The following PTH2R variants were observed in gnomAD, a reference collection of about 807,000 sequenced individuals.
PTH2R encodes PTH2 receptor.
In PTH2R, 59 loss-of-function variants were observed where a neutral mutation model predicts 60.3. That is an observed-to-expected ratio of 0.98 (90% CI 0.79 to 1.22). The LOEUF (loss-of-function observed/expected upper bound fraction) is 1.22. PTH2R is among the 50% of genes most tolerant of loss of function. The probability of loss-of-function intolerance (pLI) is 0.00; values close to 1 mark genes in which losing one functional copy is unlikely to be tolerated. For synonymous variants in PTH2R, 256 were observed against 243.8 expected (o/e 1.05, Z -0.47); for missense variants, 749 against 682.6 (o/e 1.10, Z -1.08).
chr2:208,425,907 C>T (rs753906720), intron 1 of PTH2R, among the ~76,000 whole-genome samples: 16 of 152,188 alleles, frequency 1.1e-4, no homozygotes, highest in Non-Finnish European at 2.1e-4. Context: ...GGATCTGTAG[C>T]CTGCTCTGCT....
chr2:208,419,887 A>C (rs1438806000), intron 1 of PTH2R, among the ~76,000 whole-genome samples: 1 of 152,190 alleles, frequency 6.6e-6, no homozygotes, highest in African/African-American at 2.4e-5. Flanking sequence ...AACCAACCCA[A>C]ATGTCCAACA....
chr2:208,474,227 C>T (rs1702947884), intron 9 of PTH2R, among the ~76,000 whole-genome samples: 1 of 151,268 alleles, frequency 6.6e-6, no homozygotes, highest in Admixed American at 6.6e-5. Flanking sequence ...TATTAAAGGG[C>T]TTAATATAAC....
intron 4 of PTH2R, among the ~76,000 whole-genome samples, chr2:208,441,415 A>G (rs1428749266): frequency 6.6e-6 from 1 of 152,144 alleles, no homozygotes; most frequent in Non-Finnish European, 1.5e-5. Flanking sequence ...AGCTCTTTAT[A>G]TCCCATTTTC....
At chr2:208,468,340 G>A (rs1426349268) in intron 9 of PTH2R, among the ~76,000 whole-genome samples, 1 of 152,194 alleles carries the variant, frequency 6.6e-6, no homozygotes, top group Non-Finnish European at 1.5e-5. Context: ...GTACATCAAT[G>A]TATCTAATCC....
chr2:208,419,154 C>T (rs1313178510), intron 1 of PTH2R, among the ~76,000 whole-genome samples: 1 of 152,178 alleles, frequency 6.6e-6, no homozygotes, highest in Non-Finnish European at 1.5e-5. Context: ...AAAGGTGTTC[C>T]TATTTCTCCA....
chr2:208,477,333 C>T (rs1249109969), intron 9 of PTH2R, among the ~76,000 whole-genome samples: 3 of 152,096 alleles, frequency 2.0e-5, no homozygotes, highest in South Asian at 2.1e-4. Flanking sequence ...AGAGAGTAAA[C>T]GATCCAGGCA....
intron 11 of PTH2R, among the ~76,000 whole-genome samples, 186 bp downstream of exon 11, chr2:208,489,336 C>T (rs777395274): frequency 3.9e-5 from 6 of 152,112 alleles, no homozygotes; most frequent in Non-Finnish European, 8.8e-5. Context: ...TCAGGTTAAT[C>T]CTCTGCTCAC....
intron 9 of PTH2R, among the ~76,000 whole-genome samples, chr2:208,463,413 A>G (rs1261565909): frequency 6.6e-6 from 1 of 152,102 alleles, no homozygotes; most frequent in Non-Finnish European, 1.5e-5. Flanking sequence ...TGGTTACAGC[A>G]TAGGCTCTGG....
Position 208,407,049 on chromosome 2 carries a change from C to T in PTH2R, c.6C>T (p.Ala2=). The T allele has an allele frequency of 7.2e-7, 1 of 1,392,948 alleles. No homozygotes were observed. Among genetic ancestry groups the T allele is most frequent in the Non-Finnish European group, 9.4e-7 (1 of 1,067,446 alleles). 86.3% of individuals were successfully genotyped at this position (1,392,948 alleles called of 1,614,324 possible). M[A]GLGASLHVWG... ...TTCCTACAGCCGTTCCGGGCATGGC[C>T]GGGCTGGGGGCGTCGCTCCACGTCT... is the stretch of plus-strand genomic sequence containing the variant. The change falls in exon 1 of 13, where the codon GCC becomes GCT. Residue 2 remains alanine (A), a synonymous_variant. Transcript: ENST00000272847.
chr2:208,364,116 A>G (rs1700533772), intron 1 of PTH2R, among the ~76,000 whole-genome samples: 1 of 152,164 alleles, frequency 6.6e-6, no homozygotes. Flanking sequence ...TTTATATATT[A>G]TGGATGCTAA....
At chr2:208,406,773 G>C (rs914533047), upstream of PTH2R, 34 of 330,266 alleles carry the variant, frequency 1.0e-4, no homozygotes, top group Non-Finnish European at 1.6e-4. Flanking sequence ...CAGGCGGCGC[G>C]GGGCTGCGAG....
intron 1 of PTH2R, among the ~76,000 whole-genome samples, chr2:208,362,555 T>A (rs1700497341): frequency 6.6e-6 from 1 of 152,220 alleles, no homozygotes; most frequent in Non-Finnish European, 1.5e-5. Context: ...ATCATATATA[T>A]GTCTGTTTCT....
At chr2:208,473,030 C>A (rs1702920129) in intron 9 of PTH2R, among the ~76,000 whole-genome samples, 1 of 152,206 alleles carries the variant, frequency 6.6e-6, no homozygotes, top group South Asian at 2.1e-4. Context: ...TATGTAGGGG[C>A]ACATACCCTG....
intron 1 of PTH2R, among the ~76,000 whole-genome samples, chr2:208,414,716 A>C (rs1701604614): frequency 6.6e-6 from 1 of 152,184 alleles, no homozygotes; most frequent in South Asian, 2.1e-4. Flanking sequence ...CTGTTTTTCT[A>C]TGCCTCATAA....
chr2:208,450,233 C>T (rs1702376258), intron 7 of PTH2R, among the ~76,000 whole-genome samples: 2 of 152,152 alleles, frequency 1.3e-5, no homozygotes, highest in Non-Finnish European at 2.9e-5. Flanking sequence ...CTGTCTTGTG[C>T]CAACGTGAAC....
intron 9 of PTH2R, among the ~76,000 whole-genome samples, chr2:208,467,556 C>G (rs1334754068): frequency 6.6e-6 from 1 of 152,166 alleles, no homozygotes; most frequent in Non-Finnish European, 1.5e-5. Flanking sequence ...CTTGACAATA[C>G]TATATGCTAC....
upstream of PTH2R, among the ~76,000 whole-genome samples, chr2:208,403,195 A>G (rs552064927): frequency 7.9e-4 from 121 of 152,350 alleles, no homozygotes; most frequent in African/African-American, 2.8e-3. Flanking sequence ...AATCCATGAT[A>G]TTGGCTAGTT....
intron 9 of PTH2R, among the ~76,000 whole-genome samples, chr2:208,470,712 T>A (rs1321097657): frequency 6.6e-6 from 1 of 152,162 alleles, no homozygotes; most frequent in African/African-American, 2.4e-5. Context: ...ATAAAGTAAA[T>A]TGGTATCAGT....
intron 1 of PTH2R, among the ~76,000 whole-genome samples, chr2:208,362,455 T>C (rs891178377): frequency 6.6e-6 from 1 of 152,232 alleles, no homozygotes; most frequent in Admixed American, 6.5e-5. Flanking sequence ...ATGGTATCTA[T>C]GTATCTGTAT....
Sources: allele counts gnomAD v4.1 joint callset (sites outside exome capture counted in the v4.1 genomes callset), GRCh38; gene constraint gnomAD v4.1.1; transcripts MANE v1.5; gene names NCBI Gene and HGNC (gene_info 2026-07-23, HGNC 2026-07-21).